The following CACNA1S variants were observed in gnomAD, a reference collection of about 807,000 sequenced individuals.
The protein encoded by CACNA1S is voltage-dependent L-type calcium channel subunit alpha-1S.
Under a neutral mutation model 207.4 loss-of-function variants are expected in CACNA1S, and 126 were observed. That is an observed-to-expected ratio of 0.61 (90% CI 0.53 to 0.70). The LOEUF is 0.70. CACNA1S is among the 30% of genes least tolerant of loss of function. The pLI, the probability that CACNA1S is intolerant of heterozygous loss-of-function variation, is 0.00. For missense variants in CACNA1S, 2,349 were observed against 2,422.8 expected (o/e 0.97, Z 0.64); for synonymous variants, 960 against 932.7 (o/e 1.03, Z -0.53).
rs527328047 is a variant in CACNA1S at position 201,102,031 on chromosome 1, TG to T, written c.259-8011del. On this transcript the variant is annotated intron_variant, in intron 2 of 43. Coordinates refer to ENST00000362061, the MANE Select transcript of CACNA1S (RefSeq NM_000069.3). ...TGAAGAAGACGGTAGTCCCCTGGCC[TG>T]GGAGTAAACTCTAGATAAGAACAGT... Among the ~76,000 whole-genome samples, 492 of 152,350 alleles carry T rather than the reference TG, an allele frequency of 3.2e-3. 5 individuals are homozygous for T. Among genetic ancestry groups the T allele is most frequent in the Admixed American group, 0.03 (462 of 15,300 alleles).
At chr1:201,106,464 C>T (rs1001767495) in intron 2 of CACNA1S, among the ~76,000 whole-genome samples, 1 of 152,188 alleles carries the variant, frequency 6.6e-6, no homozygotes, top group Non-Finnish European at 1.5e-5. Context: ...CCCGCTTGGC[C>T]TTCTACAATG....
chr1:201,105,893 G>A (rs1662862044), intron 2 of CACNA1S, among the ~76,000 whole-genome samples: 1 of 152,160 alleles, frequency 6.6e-6, no homozygotes, highest in Non-Finnish European at 1.5e-5. Context: ...GGCAACTGAG[G>A]GAAGCCCTTC....
intron 35 of CACNA1S, 76 bp from the exon 36 acceptor site, chr1:201,048,760 G>C (rs1660555641): frequency 1.5e-6 from 2 of 1,312,550 alleles, no homozygotes; most frequent in East Asian, 2.3e-5. Flanking sequence ...CACCCGGTCT[G>C]TGGACCGGGA....
rs1435743224 is a variant in CACNA1S, at chr1:201,087,720, GC to G, written c.1004+105del. 1.1e-5 allele frequency: 8 copies of G among 739,910 alleles called. No homozygotes were observed. The East Asian group carries it at 1.9e-4, about 18-fold the overall frequency. 45.8% of individuals were successfully genotyped at this position (739,910 alleles called of 1,614,324 possible). On this transcript the variant is annotated intron_variant, in intron 7 of 43. Coordinates refer to ENST00000362061, the MANE Select transcript of CACNA1S (RefSeq NM_000069.3). ...CCTTCTCTCCTCCTCCTCTCCACTC[GC>G]CCCCCACCCCTCCTGTTTCTTTTCC...
intron 8 of CACNA1S, among the ~76,000 whole-genome samples, 185 bp from the exon 9 acceptor site, chr1:201,085,216 A>T (rs939572744): frequency 2.2e-4 from 33 of 152,188 alleles, no homozygotes; most frequent in Admixed American, 2.6e-4. Flanking sequence ...AGCCCACTTT[A>T]TCTGCAGGGG....
In CACNA1S at chr1:201,083,292, A is replaced by C; in HGVS notation, c.1263T>G (p.Phe421Leu). The C allele has an allele frequency of 6.2e-7, 1 of 1,614,234 alleles. No homozygotes were observed. Among genetic ancestry groups the C allele is most frequent in the South Asian group, 1.1e-5 (1 of 91,082 alleles). ...IRHWRQWNRI[F>L]RWKCHDIVKS... Reference sequence around the variant, plus strand: ...TCACGATGTCATGGCACTTCCAGCGAAAGATGCGGTTCCACTGCCTCCAAT... The same window carrying C: ...TCACGATGTCATGGCACTTCCAGCGCAAGATGCGGTTCCACTGCCTCCAAT... The change falls in exon 10 of 44, where the codon TTT becomes TTG. Residue 421 changes from phenylalanine to leucine, a missense_variant. Transcript: ENST00000362061.
In CACNA1S at chr1:201,094,031, C is replaced by G. The variant is rs977393167; in HGVS notation, c.259-10G>C. ...AATACTCCAGCTTCTCCTGTGGGAG[C>G]AAACGTGGTCACAGCATGCCTCTGT... On this transcript the variant is annotated splice_polypyrimidine_tract_variant and intron_variant, in intron 2 of 43. Coordinates refer to ENST00000362061, the MANE Select transcript of CACNA1S (RefSeq NM_000069.3). 3.7e-6 allele frequency: 6 copies of G among 1,614,150 alleles called. No homozygotes were observed. The South Asian group carries it at 5.5e-5, about 15-fold the overall frequency.
chr1:201,068,789 T>C (rs1661347252), intron 19 of CACNA1S, among the ~76,000 whole-genome samples: 1 of 152,016 alleles, frequency 6.6e-6, no homozygotes, highest in African/African-American at 2.4e-5. Context: ...GGAGAATCGC[T>C]TGAACCTGGG....
chr1:201,053,689 T>G lies in CACNA1S; in HGVS notation c.3667-102A>C. On this transcript the variant is annotated intron_variant, in intron 29 of 43. Coordinates refer to ENST00000362061, the MANE Select transcript of CACNA1S (RefSeq NM_000069.3). This position sits in a 1 kb window ranked among gnomAD's most constrained non-coding sequence, Gnocchi z 5.1. The stretch of plus-strand genomic sequence containing the variant: ...GCACTGTGTGTTTTGGGGAGATGTT[T>G]GTGGCATGGAGGAACTCCAGCCCCG... The G allele has an allele frequency of 7.8e-7, 1 of 1,281,794 alleles. No homozygotes were observed. Among genetic ancestry groups the G allele is most frequent in the East Asian group, 2.5e-5 (1 of 40,242 alleles). The allele number at this position is 1,281,794 out of a possible 1,614,324, so 79.4% of individuals were successfully genotyped here.
chr1:201,088,584 C>T (rs772178310), intron 6 of CACNA1S, among the ~76,000 whole-genome samples: 7 of 152,172 alleles, frequency 4.6e-5, no homozygotes, highest in Admixed American at 6.5e-5. Flanking sequence ...GATCAGAGTT[C>T]GATTCTTGGC....
chr1:201,107,282 C>G (rs189122600), intron 2 of CACNA1S, among the ~76,000 whole-genome samples: 1 of 152,232 alleles, frequency 6.6e-6, no homozygotes, highest in African/African-American at 2.4e-5. Flanking sequence ...TGTGAGCTGT[C>G]CCTGTCCTCA....
rs373169793 is a variant in CACNA1S at position 201,060,648 on chromosome 1, G to A, written c.3414+10C>T. Reference sequence around the variant, plus strand: ...TCTGATCAGACATTTTTCTCCTGGGGAGCCCTTACCTGCATGCCGAGGCAG... The same window carrying A: ...TCTGATCAGACATTTTTCTCCTGGGAAGCCCTTACCTGCATGCCGAGGCAG... On this transcript the variant is annotated intron_variant, in intron 26 of 43. Coordinates refer to ENST00000362061, the MANE Select transcript of CACNA1S (RefSeq NM_000069.3). The A allele has an allele frequency of 1.9e-6, 3 of 1,613,994 alleles. No individual in the cohort carries two copies. Among genetic ancestry groups the A allele is most frequent in the African/African-American group, 1.3e-5 (1 of 74,896 alleles).
At chr1:201,088,350 C>T (rs1662106626) in intron 6 of CACNA1S, among the ~76,000 whole-genome samples, 1 of 152,180 alleles carries the variant, frequency 6.6e-6, no homozygotes, top group Non-Finnish European at 1.5e-5. Flanking sequence ...CATCTAATGG[C>T]GATAATGACA....
intron 15 of CACNA1S, among the ~76,000 whole-genome samples, chr1:201,073,114 A>G (rs916858212): frequency 6.6e-6 from 1 of 152,180 alleles, no homozygotes; most frequent in Non-Finnish European, 1.5e-5. Context: ...GAGCTTCCCC[A>G]GGCCAGGACC....
chr1:201,045,640 C>T lies in CACNA1S; in HGVS notation c.4669-1184G>A, dbSNP rs1005028786. 2.0e-5 allele frequency among the ~76,000 whole-genome samples: 3 copies of T among 147,492 alleles called. No individual in the cohort carries two copies. In the East Asian group the frequency reaches 6.0e-4, roughly 29 times the overall value. ...ATCCCAGCTACTCAGGAAGCTGAGG[C>T]ATGAGAATGGCTTGAACCCGGGAGG... On this transcript the variant is annotated intron_variant, in intron 38 of 43. Coordinates refer to ENST00000362061, the MANE Select transcript of CACNA1S (RefSeq NM_000069.3).
At position 201,070,262 on chromosome 1, in the gene CACNA1S, G is replaced by A; in HGVS notation, c.2360+10C>T. The A allele has an allele frequency of 1.2e-6, 2 of 1,613,880 alleles. No individual in the cohort carries two copies. The highest frequency in any genetic ancestry group is 8.5e-7 in the Non-Finnish European group (1 of 1,180,014). On this transcript the variant is annotated intron_variant, in intron 17 of 43. Transcript: ENST00000362061. ...ATCAATCACCCCCACAGCAGCCAAG[G>A]GGCACCCACTTATTGGTGGGGCTGA...
chr1:201,052,666 C>T lies in CACNA1S; in HGVS notation c.3862-18G>A, dbSNP rs2102560860. On this transcript the variant is annotated intron_variant, in intron 31 of 43. Transcript: ENST00000362061. Reference sequence around the variant, plus strand: ...CCAAACATCTGCAAGTCACAAAGGGCCCTGACTGTGGAACCTAGATTAAAG... The same window carrying T: ...CCAAACATCTGCAAGTCACAAAGGGTCCTGACTGTGGAACCTAGATTAAAG... The T allele has an allele frequency of 1.9e-6, 3 of 1,598,412 alleles. No individual in the cohort carries two copies. The South Asian group carries it at 3.3e-5, about 18-fold the overall frequency.
chr1:201,094,055 G>C (rs1235494122), intron 2 of CACNA1S, 34 bp from the exon 3 acceptor site: 3 of 1,613,848 alleles, frequency 1.9e-6, no homozygotes, highest in Non-Finnish European at 1.7e-6. Context: ...GCATGCCTCT[G>C]TGCTCTCTGA....
At chr1:201,072,716 C>T (rs1369539819) in intron 16 of CACNA1S, 39 bp downstream of exon 16, 1 of 1,544,788 alleles carries the variant, frequency 6.5e-7, no homozygotes, top group Admixed American at 1.7e-5. Context: ...CCTACTTCAC[C>T]CCAGCACCCT....
Sources: allele counts gnomAD v4.1 joint callset (sites outside exome capture counted in the v4.1 genomes callset), GRCh38; gene constraint gnomAD v4.1.1; non-coding constraint Gnocchi (gnomAD v3.1); transcripts MANE v1.5; gene names NCBI Gene and HGNC (gene_info 2026-07-23, HGNC 2026-07-21).